Variants in ATXN8OS observed in about 807,000 individuals in gnomAD.
ATXN8OS encodes the protein ATXN8 opposite strand lncRNA, also known as ATXN8 opposite strand (non-protein coding).
intron 4 of ATXN8OS, among the ~76,000 whole-genome samples, chr13:70,166,596 T>G (rs981125346): frequency 1.3e-5 from 2 of 152,080 alleles, no homozygotes; most frequent in African/African-American, 4.8e-5. Flanking sequence ...ATTCAGGACA[T>G]AGGCATGGGC....
At position 70,146,268 on chromosome 13, in the gene ATXN8OS, G is replaced by T. The variant is rs937930130; in HGVS notation, n.500-1087G>T. On this transcript the variant is annotated intron_variant and non_coding_transcript_variant, in intron 3 of 4. Coordinates refer to ENST00000678624, the Ensembl canonical transcript of ATXN8OS. ...TCATTAAAAAGTCAGGAAACAACAG[G>T]TGCTGGAGAGGATGTGGAGAAATAG... Among the ~76,000 whole-genome samples the T allele has an allele frequency of 5.5e-5, 8 of 145,698 alleles. No individual in the cohort carries two copies. In the Admixed American group the frequency reaches 5.5e-4, roughly 10 times the overall value.
intron 4 of ATXN8OS, among the ~76,000 whole-genome samples, chr13:70,155,904 G>C (rs1888929821): frequency 6.6e-6 from 1 of 151,184 alleles, no homozygotes; most frequent in African/African-American, 2.4e-5. Context: ...TCATTTTTCT[G>C]CTTCTTTCTC....
rs569238652 is a variant in ATXN8OS at position 70,159,166 on chromosome 13, TCCA to T, written n.574-10582_574-10580del. Among the ~76,000 whole-genome samples, 15 of 131,194 alleles carry T rather than the reference TCCA, an allele frequency of 1.1e-4. No individual in the cohort carries two copies. The East Asian group carries it at 1.7e-3, about 15-fold the overall frequency. The allele number at this position is 131,194 out of a possible 152,430, so 86.1% of individuals were successfully genotyped here. Reference sequence around the variant, plus strand: ...AATTAATTTATTTTCTCTCCTTCCCTCCACCACTTCCATTCTCTCTCTCTCTCT... The same window carrying T: ...AATTAATTTATTTTCTCTCCTTCCCTCCACTTCCATTCTCTCTCTCTCTCT... On this transcript the variant is annotated intron_variant and non_coding_transcript_variant, in intron 4 of 4. Transcript: ENST00000678624.
chr13:70,131,619 C>T (rs900971844), intron 3 of ATXN8OS: 6 of 396,914 alleles, frequency 1.5e-5, no homozygotes, highest in Admixed American at 1.3e-4. Context: ...CATTCTCCTC[C>T]GTGTTTAGAG....
intron 3 of ATXN8OS, chr13:70,131,220 C>T: frequency 2.6e-6 from 1 of 379,572 alleles, no homozygotes; most frequent in Non-Finnish European, 4.5e-6. Flanking sequence ...TACATGTATA[C>T]ATCCTAAATA....
chr13:70,117,734 C>T (rs544962078), intron 2 of ATXN8OS, among the ~76,000 whole-genome samples: 15 of 151,954 alleles, frequency 9.9e-5, no homozygotes, highest in African/African-American at 2.4e-4. Context: ...TAGAAGTTAA[C>T]GTGTAGGTCA....
At chr13:70,140,541 A>AAAC (rs954873151) in intron 3 of ATXN8OS, among the ~76,000 whole-genome samples, 3 of 151,698 alleles carry the variant, frequency 2.0e-5, no homozygotes, top group Non-Finnish European at 4.4e-5. Flanking sequence ...CACAAAAAAA[A>AAAC]AAAAACGGAG....
chr13:70,112,512 C>A (rs1412762540), intron 1 of ATXN8OS, among the ~76,000 whole-genome samples: 2 of 152,024 alleles, frequency 1.3e-5, no homozygotes, highest in African/African-American at 2.4e-5. Flanking sequence ...ATACACATAA[C>A]CATTCATGGT....
rs372292704 is a variant in ATXN8OS at position 70,117,938 on chromosome 13, C to A, written n.398+2640C>A. Among the ~76,000 whole-genome samples the A allele has an allele frequency of 3.9e-5, 6 of 152,092 alleles. No homozygotes were observed. In the South Asian group the frequency reaches 1.0e-3, roughly 26 times the overall value. On this transcript the variant is annotated intron_variant and non_coding_transcript_variant, in intron 2 of 4. Transcript: ENST00000678624. ...GGCATTTTGTAAAATATCCAGATTA[C>A]TATTCACTTGAGTATTCACAACATA...
chr13:70,115,360 A>G (rs1446250216), intron 2 of ATXN8OS: 2 of 397,256 alleles, frequency 5.0e-6, no homozygotes, highest in Non-Finnish European at 8.9e-6. Flanking sequence ...TGACAGAAAC[A>G]CCTCCCAAAA....
At chr13:70,168,144 G>A (rs1417855431) in intron 4 of ATXN8OS, among the ~76,000 whole-genome samples, 1 of 152,034 alleles carries the variant, frequency 6.6e-6, no homozygotes, top group Non-Finnish European at 1.5e-5. Flanking sequence ...TGATTGAACT[G>A]ATTAGGATTT....
intron 2 of ATXN8OS, among the ~76,000 whole-genome samples, chr13:70,127,483 T>C (rs1266340814): frequency 6.6e-6 from 1 of 151,942 alleles, no homozygotes; most frequent in East Asian, 1.9e-4. Flanking sequence ...CATAGAGAGG[T>C]ATATATGTAA....
chr13:70,153,653 A>G (rs1032037115), intron 4 of ATXN8OS, among the ~76,000 whole-genome samples: 9 of 151,780 alleles, frequency 5.9e-5, no homozygotes, highest in African/African-American at 2.2e-4. Context: ...TGTATGAACT[A>G]CTCTTCTTTA....
intron 2 of ATXN8OS, among the ~76,000 whole-genome samples, chr13:70,124,852 A>G (rs765718598): frequency 1.3e-4 from 19 of 151,754 alleles, no homozygotes; most frequent in Non-Finnish European, 2.8e-4. Flanking sequence ...CCAATCTTCT[A>G]TTTAATTACC....
intron 4 of ATXN8OS, among the ~76,000 whole-genome samples, chr13:70,148,466 G>C (rs764102950): frequency 7.2e-5 from 11 of 151,998 alleles, no homozygotes; most frequent in Non-Finnish European, 1.5e-4. Context: ...AAGGATATGA[G>C]GCATGTTCAA....
intron 2 of ATXN8OS, among the ~76,000 whole-genome samples, chr13:70,126,249 G>C (rs1428866571): frequency 6.6e-6 from 1 of 152,042 alleles, no homozygotes; most frequent in Non-Finnish European, 1.5e-5. Flanking sequence ...CAAAGTAATA[G>C]ATATGTATAC....
At chr13:70,129,958 A>G (rs1355747344) in intron 3 of ATXN8OS, 1 of 397,666 alleles carries the variant, frequency 2.5e-6, no homozygotes, top group African/African-American at 2.1e-5. Flanking sequence ...ATATTAAAAA[A>G]ATATATGGTG....
chr13:70,120,885 C>T (rs909358794), intron 2 of ATXN8OS, among the ~76,000 whole-genome samples: 4 of 137,742 alleles, frequency 2.9e-5, no homozygotes, highest in East Asian at 2.2e-4. Context: ...AACACATGGA[C>T]GCAGGAAGGG....
At chr13:70,143,787 A>T (rs1420593406) in intron 3 of ATXN8OS, among the ~76,000 whole-genome samples, 1 of 152,128 alleles carries the variant, frequency 6.6e-6, no homozygotes, top group Non-Finnish European at 1.5e-5. Context: ...CTCTAGAAAT[A>T]AGTTTTTATA....
Sources: allele counts gnomAD v4.1 joint callset (sites outside exome capture counted in the v4.1 genomes callset), GRCh38; gene constraint gnomAD v4.1.1; transcripts MANE v1.5; gene names NCBI Gene and HGNC (gene_info 2026-07-23, HGNC 2026-07-21).